The following SCAF4 variants were observed in gnomAD, a reference collection of about 807,000 sequenced individuals.
SCAF4 encodes the protein SR-related CTD associated factor 4.
Under a neutral mutation model 129.8 loss-of-function variants are expected in SCAF4, and 25 were observed. The ratio of observed to expected loss-of-function variants is 0.19; its 90% confidence interval spans 0.14 to 0.27. The LOEUF (loss-of-function observed/expected upper bound fraction) is 0.27. SCAF4 is among the 10% of genes least tolerant of loss of function. The probability of loss-of-function intolerance (pLI) is 1.00; values close to 1 mark genes in which losing one functional copy is unlikely to be tolerated. For synonymous variants in SCAF4, 551 were observed against 497.7 expected, an observed-to-expected ratio of 1.11 and a Z score of -1.43; for missense variants, 1,246 against 1,457.1, an observed-to-expected ratio of 0.86 and a Z score of 2.36.
At position 31,671,334 on chromosome 21, in the gene SCAF4, A is replaced by T. The variant is rs1346935259; in HGVS notation, c.*65T>A. On this transcript the variant is annotated 3_prime_UTR_variant, in exon 20 of 20. Transcript: ENST00000286835. ...ACAGCGGGAGCGGATATAATACAGCATCTGTACACCTCAAGCTCTACACTC... is the reference window on the plus strand; with the variant it reads ...ACAGCGGGAGCGGATATAATACAGCTTCTGTACACCTCAAGCTCTACACTC... 6.5e-7 allele frequency: 1 copy of T among 1,548,994 alleles called. No individual in the cohort carries two copies. The highest frequency in any genetic ancestry group is 8.7e-7 in the Non-Finnish European group (1 of 1,147,000).
intron 16 of SCAF4, among the ~76,000 whole-genome samples, 193 bp downstream of exon 16, chr21:31,688,114 C>CAAAAAAAAAAAAAA (rs61592268): frequency 9.2e-4 from 10 of 10,908 alleles, no homozygotes; most frequent in South Asian, 7.5e-3. Context: ...GACTCTGTCT[C>CAAAAAAAAAAAAAA]AAAAAAAAAA....
chr21:31,707,006 AT>A, intron 1 of SCAF4: 1 of 301,366 alleles, frequency 3.3e-6, no homozygotes, highest in Admixed American at 4.5e-5. Context: ...AGTTCATCCC[AT>A]TTTTTATGTA....
At chr21:31,717,402 G>A (rs2050944572) in intron 1 of SCAF4, among the ~76,000 whole-genome samples, 1 of 152,264 alleles carries the variant, frequency 6.6e-6, no homozygotes, top group South Asian at 2.1e-4. Flanking sequence ...AATGCTAATG[G>A]TGTTTGATGG....
intron 5 of SCAF4, 25 bp from the exon 6 acceptor site, chr21:31,701,943 C>A: frequency 6.2e-7 from 1 of 1,601,692 alleles, no homozygotes; most frequent in South Asian, 1.1e-5. Flanking sequence ...GGCATTAAGG[C>A]CTAAAAAAAA....
chr21:31,674,105 C>T (rs1416873512), intron 19 of SCAF4, among the ~76,000 whole-genome samples: 1 of 152,182 alleles, frequency 6.6e-6, no homozygotes, highest in East Asian at 1.9e-4. Flanking sequence ...GCCCCATTGA[C>T]TTGGCTTCCT....
At chr21:31,716,568 T>C (rs1257803153) in intron 1 of SCAF4, among the ~76,000 whole-genome samples, 1 of 152,136 alleles carries the variant, frequency 6.6e-6, no homozygotes, top group African/African-American at 2.4e-5. Context: ...ATAGACACTG[T>C]ATAACAAAGC....
At chr21:31,715,062 C>G (rs764912337) in intron 1 of SCAF4, among the ~76,000 whole-genome samples, 1 of 152,172 alleles carries the variant, frequency 6.6e-6, no homozygotes, top group Non-Finnish European at 1.5e-5. Context: ...CACAAATTTA[C>G]TGGCTTAAAG....
At chr21:31,689,464 ATTT>A (rs11299714) in intron 15 of SCAF4, among the ~76,000 whole-genome samples, 2 of 132,654 alleles carry the variant, frequency 1.5e-5, no homozygotes, top group African/African-American at 2.8e-5. Flanking sequence ...CATCCAGCTA[ATTT>A]TTTTTTTTTT....
rs986854780 is a variant in SCAF4, at chr21:31,705,441, T to C, written c.141A>G (p.Val47=). The C allele has an allele frequency of 3.1e-6, 4 of 1,299,702 alleles. No individual in the cohort carries two copies. The highest frequency in any genetic ancestry group is 2.7e-5 in the South Asian group (2 of 75,168). 80.5% of individuals were successfully genotyped at this position (1,299,702 alleles called of 1,614,324 possible). A position where few individuals can be genotyped will look rare whatever the true frequency, so the allele number is the denominator to read the frequency against. ...IKLYKHVVQI[V]EKFIKKCKPE... Reference sequence around the variant, plus strand: ...TAGTTACCTTTTTGATGAACTTTTCTACTATTTGAACTACATGCTTATAAA... The same window carrying C: ...TAGTTACCTTTTTGATGAACTTTTCCACTATTTGAACTACATGCTTATAAA... Residue 47 remains valine (V), a synonymous_variant, in exon 3 of 20, where the codon GTA becomes GTG. Transcript: ENST00000286835.
At chr21:31,726,275 G>C (rs1211579226) in intron 1 of SCAF4, among the ~76,000 whole-genome samples, 4 of 152,126 alleles carry the variant, frequency 2.6e-5, no homozygotes. Flanking sequence ...TCGATCTCTT[G>C]ACTTTGTCAT....
intron 1 of SCAF4, among the ~76,000 whole-genome samples, chr21:31,712,621 C>T (rs2050830704): frequency 6.6e-6 from 1 of 151,142 alleles, no homozygotes; most frequent in Admixed American, 6.6e-5. Context: ...CTCCGCCTCC[C>T]CGGTTTAAGT....
At chr21:31,692,074 C>G (rs2050272961) in intron 13 of SCAF4, 144 bp from the exon 14 acceptor site, 1 of 585,834 alleles carries the variant, frequency 1.7e-6, no homozygotes, top group African/African-American at 1.9e-5. Context: ...GTTGGCAATT[C>G]AAGTTTGGTC....
chr21:31,705,551 T>C lies in SCAF4; in HGVS notation c.115-84A>G, dbSNP rs544705293. The C allele has an allele frequency of 8.9e-4, 480 of 537,584 alleles. 1 individual carries two copies. Among genetic ancestry groups the C allele is most frequent in the African/African-American group, 7.5e-3 (380 of 50,550 alleles). The allele number at this position is 537,584 out of a possible 1,614,324, so 33.3% of individuals were successfully genotyped here. A position where few individuals can be genotyped will look rare whatever the true frequency, so the allele number is the denominator to read the frequency against. On this transcript the variant is annotated intron_variant, in intron 2 of 19. Transcript: ENST00000286835. ...TTAGAAAATTCTTAAAACTCTGAAA[T>C]CTATACAATCTAAATATTATCAATA...
At chr21:31,674,532 A>T (rs1156710977) in intron 19 of SCAF4, among the ~76,000 whole-genome samples, 2 of 152,188 alleles carry the variant, frequency 1.3e-5, no homozygotes, top group African/African-American at 2.4e-5. Flanking sequence ...CACAAAAAAA[A>T]TTTTATCTGT....
At chr21:31,725,350 A>G (rs182662975) in intron 1 of SCAF4, among the ~76,000 whole-genome samples, 1 of 152,352 alleles carries the variant, frequency 6.6e-6, no homozygotes, top group African/African-American at 2.4e-5. Flanking sequence ...AACAATAGTC[A>G]TACAGAACAA....
In SCAF4 at chr21:31,701,944, C is replaced by T. The variant is rs374947661; in HGVS notation, c.458-26G>A. 1.0e-5 allele frequency: 16 copies of T among 1,599,658 alleles called. No homozygotes were observed. In the South Asian group the frequency reaches 1.8e-4, roughly 18 times the overall value. On this transcript the variant is annotated intron_variant, in intron 5 of 19. Coordinates refer to ENST00000286835, the MANE Select transcript of SCAF4 (RefSeq NM_020706.2). ...CTAAAAAAGAAAAGGGCATTAAGGC[C>T]TAAAAAAAAAGTTAACCTACAAGTT...
chr21:31,706,629 G>A (rs556374568), intron 1 of SCAF4: 19 of 410,912 alleles, frequency 4.6e-5, no homozygotes, highest in African/African-American at 2.7e-4. Flanking sequence ...AGAGGCAATC[G>A]GCATGGCTGT....
intron 1 of SCAF4, chr21:31,706,897 C>CT (rs1335994295): frequency 3.3e-6 from 1 of 306,492 alleles, no homozygotes; most frequent in African/African-American, 2.3e-5. Context: ...TCAGTGGTCT[C>CT]TGTCTCCCCT....
At chr21:31,722,424 T>C (rs1217096157) in intron 1 of SCAF4, among the ~76,000 whole-genome samples, 4 of 152,112 alleles carry the variant, frequency 2.6e-5, no homozygotes, top group African/African-American at 4.8e-5. Context: ...TTTTCTGGCA[T>C]AAATATTTAC....
Sources: allele counts gnomAD v4.1 joint callset (sites outside exome capture counted in the v4.1 genomes callset), GRCh38; gene constraint gnomAD v4.1.1; transcripts MANE v1.5; gene names NCBI Gene and HGNC (gene_info 2026-07-23, HGNC 2026-07-21).